Variants in PARD3 observed in about 807,000 individuals in gnomAD.
PARD3 encodes the protein partitioning defective 3 homolog.
Under a neutral mutation model 155.4 loss-of-function variants are expected in PARD3, and 75 were observed. The ratio of observed to expected loss-of-function variants is 0.48; its 90% CI spans 0.40 to 0.58. The LOEUF (loss-of-function observed/expected upper bound fraction) is 0.58. PARD3 is among the 20% of genes least tolerant of loss of function. The pLI is 0.00. For missense variants in PARD3, 1,642 were observed against 1,721.7 expected, an observed-to-expected ratio of 0.95 and a Z score of 0.82; for synonymous variants, 576 against 610.5, an observed-to-expected ratio of 0.94 and a Z score of 0.83.
intron 14 of PARD3, among the ~76,000 whole-genome samples, chr10:34,356,927 A>T (rs1564623811): frequency 6.6e-6 from 1 of 152,192 alleles, no homozygotes; most frequent in Non-Finnish European, 1.5e-5. Flanking sequence ...AATAGTAATA[A>T]CCAGCAATGT....
In PARD3 at chr10:34,437,912, C is replaced by T. The variant is rs140157806; in HGVS notation, c.714+12405G>A. Among the ~76,000 whole-genome samples, 107 of 152,216 alleles carry T rather than the reference C, an allele frequency of 7.0e-4. 1 individual carries two copies. Among genetic ancestry groups the T allele is most frequent in the South Asian group, 6.6e-3 (32 of 4,824 alleles). On this transcript the variant is annotated intron_variant, in intron 5 of 24. Coordinates refer to ENST00000374788, the MANE Select transcript of PARD3 (RefSeq NM_001184785.2). The stretch of plus-strand genomic sequence containing the variant: ...AACATCTTAAATATTTAATTAAATA[C>T]TTTTAGAGCTAATAGAGTTGACAAC...
intron 20 of PARD3, among the ~76,000 whole-genome samples, chr10:34,309,109 G>C (rs1957563162): frequency 6.6e-6 from 1 of 152,128 alleles, no homozygotes; most frequent in East Asian, 1.9e-4. Flanking sequence ...GTTCAAGAGA[G>C]AATCGGAAAA....
chr10:34,546,541 TG>T (rs2084079395), intron 2 of PARD3, among the ~76,000 whole-genome samples: 4 of 151,444 alleles, frequency 2.6e-5, no homozygotes, highest in African/African-American at 9.7e-5. Flanking sequence ...GGAATTTTGT[TG>T]TTGTTTTTTT....
chr10:34,714,548 G>T (rs1404954100), intron 1 of PARD3, among the ~76,000 whole-genome samples: 1 of 152,148 alleles, frequency 6.6e-6, no homozygotes, highest in Non-Finnish European at 1.5e-5. Context: ...CCACGGCACA[G>T]CTTAGATCAC....
At chr10:34,273,174 C>A (rs1228750532) in intron 21 of PARD3, among the ~76,000 whole-genome samples, 1 of 152,092 alleles carries the variant, frequency 6.6e-6, no homozygotes, top group South Asian at 2.1e-4. Context: ...TGCAATTGTT[C>A]ATTGCCAAAT....
intron 24 of PARD3, among the ~76,000 whole-genome samples, chr10:34,116,501 CCT>C (rs1157732415): frequency 6.6e-6 from 1 of 152,212 alleles, no homozygotes; most frequent in Non-Finnish European, 1.5e-5. Flanking sequence ...CCCCTGACCT[CCT>C]GTTTGCTTTC....
intron 22 of PARD3, among the ~76,000 whole-genome samples, chr10:34,202,801 C>T (rs987332803): frequency 3.9e-5 from 6 of 152,188 alleles, no homozygotes; most frequent in Non-Finnish European, 7.4e-5. Flanking sequence ...TAATATGTTG[C>T]TTTCCTGGCA....
intron 7 of PARD3, among the ~76,000 whole-genome samples, chr10:34,387,052 T>C (rs1842423321): frequency 6.6e-6 from 1 of 152,068 alleles, no homozygotes; most frequent in Non-Finnish European, 1.5e-5. Flanking sequence ...GCCACCACTA[T>C]AAACCAGACA....
chr10:34,680,102 A>T (rs752125306), intron 2 of PARD3, among the ~76,000 whole-genome samples: 1 of 152,186 alleles, frequency 6.6e-6, no homozygotes, highest in Non-Finnish European at 1.5e-5. Flanking sequence ...TAAAAATTTT[A>T]AAGAAAATAA....
intron 15 of PARD3, among the ~76,000 whole-genome samples, chr10:34,347,670 A>C (rs2134365893): frequency 6.6e-6 from 1 of 152,334 alleles, no homozygotes; most frequent in Non-Finnish European, 1.5e-5. Flanking sequence ...ATCTCAAGTA[A>C]GTAAAGAATA....
At chr10:34,344,513 C>G (rs1272626832) in intron 15 of PARD3, 1 of 814,460 alleles carries the variant, frequency 1.2e-6, no homozygotes, top group African/African-American at 1.9e-5. Context: ...AACTCCTGAC[C>G]TCAGTTGATC....
chr10:34,695,960 T>C (rs796264591), intron 2 of PARD3, among the ~76,000 whole-genome samples: 5 of 152,332 alleles, frequency 3.3e-5, no homozygotes, highest in African/African-American at 1.2e-4. Flanking sequence ...TGGCTGCATG[T>C]TGTATACACG....
At chr10:34,553,581 T>C (rs901761682) in intron 2 of PARD3, among the ~76,000 whole-genome samples, 6 of 152,186 alleles carry the variant, frequency 3.9e-5, no homozygotes, top group African/African-American at 7.2e-5. Flanking sequence ...TACTGGCATG[T>C]TGGGTTCTCA....
chr10:34,249,200 A>G (rs1302727879), intron 22 of PARD3, among the ~76,000 whole-genome samples: 2 of 152,132 alleles, frequency 1.3e-5, no homozygotes, highest in Non-Finnish European at 1.5e-5. Context: ...TTTTAACAGT[A>G]GACATCTCAT....
At chr10:34,590,900 A>C (rs1182305494) in intron 2 of PARD3, among the ~76,000 whole-genome samples, 1 of 151,958 alleles carries the variant, frequency 6.6e-6, no homozygotes, top group African/African-American at 2.4e-5. Flanking sequence ...TGCTGGAAAA[A>C]ATCTCTCTCT....
At chr10:34,627,796 C>T (rs1022053666) in intron 2 of PARD3, among the ~76,000 whole-genome samples, 2 of 152,150 alleles carry the variant, frequency 1.3e-5, no homozygotes, top group Non-Finnish European at 2.9e-5. Flanking sequence ...TTTGTTATGA[C>T]GTCCCTTCAA....
Position 34,119,868 on chromosome 10 carries a change from A to G in PARD3, c.3541-128T>C, listed in dbSNP as rs577269638. On this transcript the variant is annotated intron_variant, in intron 23 of 24. Transcript: ENST00000374788. Reference sequence around the variant, plus strand: ...TTGAAAATTCTGTGATTTGTTTTTCAAAATCGTTTCTTTGAGAAAAGTGGC... The same window carrying G: ...TTGAAAATTCTGTGATTTGTTTTTCGAAATCGTTTCTTTGAGAAAAGTGGC... 3.8e-5 allele frequency: 34 copies of G among 896,434 alleles called. No individual in the cohort carries two copies. The South Asian group carries it at 8.0e-4, about 21-fold the overall frequency. 55.5% of individuals were successfully genotyped at this position (896,434 alleles called of 1,614,324 possible). A position where few individuals can be genotyped will look rare whatever the true frequency, so the allele number is the denominator to read the frequency against.
chr10:34,452,883 G>T (rs2077134310), intron 4 of PARD3, among the ~76,000 whole-genome samples: 1 of 152,024 alleles, frequency 6.6e-6, no homozygotes, highest in African/African-American at 2.4e-5. Context: ...CTCCCTCTTT[G>T]ATCTCCACAG....
intron 2 of PARD3, among the ~76,000 whole-genome samples, chr10:34,546,129 C>T (rs896573502): frequency 6.6e-6 from 1 of 151,910 alleles, no homozygotes; most frequent in African/African-American, 2.4e-5. Flanking sequence ...AACAAATTAC[C>T]AACATATAGT....
Sources: gnomAD v4.1 joint callset for allele counts (sites outside exome capture counted in the v4.1 genomes callset) on GRCh38, gnomAD v4.1.1 for gene constraint, MANE v1.5 for transcripts, NCBI Gene and HGNC (gene_info 2026-07-23, HGNC 2026-07-21) for gene names.